ALDH1L2: variants seen among roughly 807,000 people sequenced by gnomAD.
The protein encoded by ALDH1L2 is aldehyde dehydrogenase 1 family member L2.
In ALDH1L2, 91 loss-of-function variants were observed where a neutral mutation model predicts 111.0. The ratio of observed to expected loss-of-function variants is 0.82; its 90% CI spans 0.69 to 0.98. The LOEUF (loss-of-function observed/expected upper bound fraction) is 0.98. ALDH1L2 is among the 50% of genes least tolerant of loss of function. The pLI is 0.00. For synonymous variants in ALDH1L2, 374 were observed against 392.6 expected, an observed-to-expected ratio of 0.95 and a Z score of 0.56; for missense variants, 995 against 1,126.8, an observed-to-expected ratio of 0.88 and a Z score of 1.67.
intron 9 of ALDH1L2, 149 bp from the exon 10 acceptor site, chr12:105,058,369 G>T: frequency 1.3e-6 from 1 of 749,964 alleles, no homozygotes; most frequent in East Asian, 3.2e-5. Context: ...ACTCATCAGA[G>T]AAATTGATAA....
Position 105,039,712 on chromosome 12 carries a change from C to T in ALDH1L2, c.2045+1G>A. ...GTGAATCAACATTTTAAAACCAATA[C>T]CTCTTCATGATCTGTTTGCCAATAG... On this transcript the variant is annotated splice_donor_variant, in intron 17 of 22. Coordinates refer to ENST00000258494, the MANE Select transcript of ALDH1L2 (RefSeq NM_001034173.4). LOFTEE classifies it high-confidence loss of function. 1 of 1,613,132 alleles carries T rather than the reference C, an allele frequency of 6.2e-7. No individual in the cohort carries two copies. Among genetic ancestry groups the T allele is most frequent in the African/African-American group, 1.3e-5 (1 of 75,012 alleles).
At position 105,030,449 on chromosome 12, in the gene ALDH1L2, A is replaced by G. The variant is rs773550272; in HGVS notation, c.2411-20T>C. ...AAAAGCCTTTTTGGAAAAAACAAAG[A>G]AAAAATGTCAACTGTAGGTTAAGTC... On this transcript the variant is annotated intron_variant, in intron 20 of 22. Coordinates refer to ENST00000258494, the MANE Select transcript of ALDH1L2 (RefSeq NM_001034173.4). 1.5e-4 allele frequency: 243 copies of G among 1,593,612 alleles called. No individual in the cohort carries two copies. Among genetic ancestry groups the G allele is most frequent in the Non-Finnish European group, 1.9e-4 (226 of 1,167,994 alleles).
intron 9 of ALDH1L2, 104 bp downstream of exon 9, chr12:105,060,876 TA>T: frequency 1.3e-6 from 1 of 778,448 alleles, no homozygotes. Flanking sequence ...TATGATAAGG[TA>T]ATCACATCCA....
At chr12:105,083,983 T>C (rs571764551) in intron 1 of ALDH1L2, among the ~76,000 whole-genome samples, 2 of 152,152 alleles carry the variant, frequency 1.3e-5, no homozygotes, top group African/African-American at 4.8e-5. Flanking sequence ...GATACTCCCC[T>C]CCTCCAGGAG....
chr12:105,061,520 G>A (rs994420505), intron 8 of ALDH1L2, 107 bp downstream of exon 8: 186 of 1,468,238 alleles, frequency 1.3e-4, no homozygotes, highest in South Asian at 1.8e-4. Flanking sequence ...TACAAAAAAA[G>A]AGGAAATAAA....
intron 8 of ALDH1L2, 139 bp from the exon 9 acceptor site, chr12:105,061,211 G>T: frequency 2.7e-6 from 2 of 741,964 alleles, no homozygotes; most frequent in Non-Finnish European, 4.5e-6. Context: ...ATTTCTCAGC[G>T]CCTCTCCAAG....
In ALDH1L2 at chr12:105,026,592, G is replaced by A. The variant is rs541905823; in HGVS notation, c.2669C>T (p.Ala890Val). 12 of 1,614,096 alleles carry A rather than the reference G, an allele frequency of 7.4e-6. No individual in the cohort carries two copies. The East Asian group carries it at 1.3e-4, about 18-fold the overall frequency. Reference protein sequence around the residue: ...FINTYNKTDVAAPFGGVKQSG... With the variant: ...FINTYNKTDVVAPFGGVKQSG... The stretch of plus-strand genomic sequence containing the variant: ...TTGTTTAACTCCGCCAAATGGGGCC[G>A]CCACATCTGTCTTGTTGTATGTGTT... Residue 890 changes from alanine to valine, a missense_variant, in exon 22 of 23, where the codon GCG (alanine) becomes GTG (valine). By Grantham distance (64) the Ala-to-Val change is moderately conservative. Coordinates refer to ENST00000258494, the MANE Select transcript of ALDH1L2 (RefSeq NM_001034173.4).
In ALDH1L2 at chr12:105,052,774, T is replaced by G. The variant is rs56188643; in HGVS notation, c.1407+38A>C. 1.9e-6 allele frequency: 3 copies of G among 1,609,460 alleles called. No individual in the cohort carries two copies. In the African/African-American group the frequency reaches 4.0e-5, roughly 22 times the overall value. On this transcript the variant is annotated intron_variant, in intron 11 of 22. Coordinates refer to ENST00000258494, the MANE Select transcript of ALDH1L2 (RefSeq NM_001034173.4). ...CAATGGTGTATTAACTAAAAATCCA[T>G]GACCAGTGATCACTACTCACACTAA...
intron 10 of ALDH1L2, among the ~76,000 whole-genome samples, chr12:105,055,808 C>T (rs11611105): frequency 0.27 from 40,508 of 151,566 alleles, 6,536 homozygotes; most frequent in Middle Eastern, 0.43. Flanking sequence ...ATTAAAAAAT[C>T]ACTGGAGGGA....
rs751649303 is a variant in ALDH1L2, at chr12:105,024,463, A to C, written c.2733T>G (p.Asn911Lys). Reference protein sequence around the residue: ...FGKDLGEEALNEYLKTKTVTL... With the variant: ...FGKDLGEEALKEYLKTKTVTL... Reference sequence around the variant, plus strand: ...TCACCGTCTTGGTTTTGAGATATTCATTTAGAGCTTCCTCACCTAGGGAAG... The same window carrying C: ...TCACCGTCTTGGTTTTGAGATATTCCTTTAGAGCTTCCTCACCTAGGGAAG... Residue 911 changes from asparagine (N) to lysine (K), a missense_variant, in exon 23 of 23, where the codon AAT becomes AAG. Coordinates refer to ENST00000258494, the MANE Select transcript of ALDH1L2 (RefSeq NM_001034173.4). 6.2e-7 allele frequency: 1 copy of C among 1,614,046 alleles called. No individual in the cohort carries two copies. Among genetic ancestry groups the C allele is most frequent in the Non-Finnish European group, 8.5e-7 (1 of 1,179,958 alleles).
At chr12:105,031,624 A>T in intron 20 of ALDH1L2, 145 bp downstream of exon 20, 2 of 1,156,916 alleles carry the variant, frequency 1.7e-6, no homozygotes, top group Non-Finnish European at 2.4e-6. Flanking sequence ...CAGCCTCCCC[A>T]GTAGCAGGTG....
intron 6 of ALDH1L2, among the ~76,000 whole-genome samples, chr12:105,064,800 G>A (rs34384505): frequency 0.2 from 30,569 of 151,986 alleles, 3,338 homozygotes; most frequent in African/African-American, 0.28. Context: ...CGCCTCTCCC[G>A]CCTCAGCTCT....
chr12:105,024,091 C>T lies in ALDH1L2; in HGVS notation c.*333G>A. The T allele has an allele frequency of 2.9e-6, 1 of 345,840 alleles. No individual in the cohort carries two copies. Among genetic ancestry groups the T allele is most frequent in the African/African-American group, 2.1e-5 (1 of 47,574 alleles). 21.4% of individuals were successfully genotyped at this position (345,840 alleles called of 1,614,324 possible). ...TTATACAAAGTTTCCAATAAATGCA[C>T]CTTGTGTATTATAACTGCATGGTAC... is the stretch of plus-strand genomic sequence containing the variant. On this transcript the variant is annotated 3_prime_UTR_variant, in exon 23 of 23. Transcript: ENST00000258494.
chr12:105,083,846 C>T (rs965831963), intron 1 of ALDH1L2, among the ~76,000 whole-genome samples: 3 of 152,178 alleles, frequency 2.0e-5, no homozygotes, highest in Non-Finnish European at 4.4e-5. Context: ...ATTTTGCCAT[C>T]TGCAGCTCAG....
chr12:105,040,160 C>G (rs1875447319), intron 16 of ALDH1L2, among the ~76,000 whole-genome samples: 1 of 143,520 alleles, frequency 7.0e-6, no homozygotes, highest in Non-Finnish European at 1.5e-5. Context: ...AAACCTTACT[C>G]AAATTCTTAT....
intron 1 of ALDH1L2, among the ~76,000 whole-genome samples, chr12:105,077,739 T>TAA (rs543463878): frequency 0.067 from 7,775 of 115,344 alleles, 259 homozygotes; most frequent in Non-Finnish European, 0.083. Context: ...CTCCAAGAAT[T>TAA]AAAAAAAAAA....
At chr12:105,061,872 C>G in intron 7 of ALDH1L2, 120 bp from the exon 8 acceptor site, 13 of 1,238,054 alleles carry the variant, frequency 1.1e-5, no homozygotes, top group Non-Finnish European at 1.5e-5. Flanking sequence ...TGGAAAAATA[C>G]AGATTAAAAG....
intron 1 of ALDH1L2, among the ~76,000 whole-genome samples, chr12:105,075,685 A>G (rs1370201250): frequency 1.3e-5 from 2 of 152,254 alleles, no homozygotes; most frequent in African/African-American, 4.8e-5. Context: ...GAAGCTATAA[A>G]GGTGAGTTTC....
chr12:105,052,042 T>A, intron 12 of ALDH1L2, 48 bp downstream of exon 12: 2 of 1,462,386 alleles, frequency 1.4e-6, no homozygotes, highest in Non-Finnish European at 9.1e-7. Flanking sequence ...CCCCTGTCTC[T>A]ACCAGAGTTA....
Sources: gnomAD v4.1 joint callset for allele counts (sites outside exome capture counted in the v4.1 genomes callset) on GRCh38, gnomAD v4.1.1 for gene constraint, MANE v1.5 for transcripts, NCBI Gene and HGNC (gene_info 2026-07-23, HGNC 2026-07-21) for gene names.